The following TRIO variants were observed in gnomAD, a reference collection of about 807,000 sequenced individuals.
TRIO encodes the protein trio Rho guanine nucleotide exchange factor, also known as triple functional domain protein.
Under a neutral mutation model 351.9 loss-of-function variants are expected in TRIO, and 58 were observed. The ratio of observed to expected loss-of-function variants is 0.16; its 90% CI spans 0.13 to 0.21. The LOEUF is 0.21. TRIO is among the 10% of genes least tolerant of loss of function. The probability of loss-of-function intolerance (pLI) is 1.00; values close to 1 mark genes in which losing one functional copy is unlikely to be tolerated. For missense variants in TRIO, 3,201 were observed against 4,027.8 expected, an observed-to-expected ratio of 0.79 and a Z score of 5.56; for synonymous variants, 1,758 against 1,595.7, an observed-to-expected ratio of 1.10 and a Z score of -2.42.
chr5:14,296,542 G>C (rs2152289471), intron 6 of TRIO, among the ~76,000 whole-genome samples: 1 of 152,314 alleles, frequency 6.6e-6, no homozygotes, highest in South Asian at 2.1e-4. Context: ...CCTGGGAGAA[G>C]GTGGATCTAT....
At chr5:14,309,310 A>G (rs1738701090) in intron 8 of TRIO, among the ~76,000 whole-genome samples, 1 of 151,952 alleles carries the variant, frequency 6.6e-6, no homozygotes, top group Non-Finnish European at 1.5e-5. Context: ...CACTTGGTGT[A>G]TTTGCTCCAT....
intron 33 of TRIO, among the ~76,000 whole-genome samples, chr5:14,412,385 A>G (rs1749280276): frequency 6.6e-6 from 1 of 152,240 alleles, no homozygotes; most frequent in Non-Finnish European, 1.5e-5. Context: ...CATAAATTGC[A>G]GCGTCGAGGT....
intron 11 of TRIO, among the ~76,000 whole-genome samples, chr5:14,356,280 A>C (rs1007714888): frequency 1.3e-5 from 2 of 152,240 alleles, no homozygotes; most frequent in Non-Finnish European, 2.9e-5. Context: ...AATGGAAGTC[A>C]GTTTCCCTAT....
At chr5:14,154,903 C>G (rs1240146601) in intron 1 of TRIO, among the ~76,000 whole-genome samples, 1 of 152,146 alleles carries the variant, frequency 6.6e-6, no homozygotes, top group Non-Finnish European at 1.5e-5. Context: ...TTATGTAATT[C>G]TTTCCGTTTG....
At chr5:14,488,362 T>G (rs1196933791) in intron 48 of TRIO, 102 bp downstream of exon 48, 2 of 1,457,220 alleles carry the variant, frequency 1.4e-6, no homozygotes, top group East Asian at 2.5e-5. Context: ...TGCCCAGCGC[T>G]CTCCGCCGCC....
intron 34 of TRIO, among the ~76,000 whole-genome samples, chr5:14,455,069 C>G (rs560649321): frequency 3.3e-5 from 5 of 152,062 alleles, no homozygotes; most frequent in African/African-American, 1.2e-4. Context: ...TGCAGACCTT[C>G]GCGGTGAGTG....
intron 9 of TRIO, among the ~76,000 whole-genome samples, chr5:14,319,044 A>C (rs1739635615): frequency 6.6e-6 from 1 of 152,238 alleles, no homozygotes; most frequent in Non-Finnish European, 1.5e-5. Context: ...ATTTGGTGCC[A>C]AATACTTAAT....
chr5:14,336,592 T>TG lies in TRIO; in HGVS notation c.1915dup (p.Glu639GlyfsTer3), dbSNP rs1444776424. The TG allele has an allele frequency of 6.2e-7, 1 of 1,614,212 alleles. No individual in the cohort carries two copies. Among genetic ancestry groups the TG allele is most frequent in the Admixed American group, 1.7e-5 (1 of 60,024 alleles). ...AAGCAGCAGAACAGCTGGCTCAGAC[T>TG]GGGGAATGTGACCCCGAAGAGATTT... On this transcript the variant is annotated frameshift_variant, in exon 11 of 57. Transcript: ENST00000344204. LOFTEE classifies it high-confidence loss of function.
intron 1 of TRIO, among the ~76,000 whole-genome samples, chr5:14,230,439 AC>A (rs1194747759): frequency 6.6e-6 from 1 of 151,740 alleles, no homozygotes; most frequent in Non-Finnish European, 1.5e-5. Context: ...AACTGCAGAT[AC>A]CCCCACAGAT....
chr5:14,469,223 G>A (rs377497829), intron 37 of TRIO, among the ~76,000 whole-genome samples: 68 of 152,184 alleles, frequency 4.5e-4, no homozygotes, highest in African/African-American at 1.4e-3. Flanking sequence ...GCTGGAAAAC[G>A]GTAGCATAAT....
Position 14,498,971 on chromosome 5 carries a change from G to T in TRIO, c.8332+331G>T, listed in dbSNP as rs1440761965. 3.7e-5 allele frequency: 10 copies of T among 271,146 alleles called. No individual in the cohort carries two copies. In the South Asian group the frequency reaches 5.4e-4, roughly 15 times the overall value. The allele number at this position is 271,146 out of a possible 1,614,324, so 16.8% of individuals were successfully genotyped here. On this transcript the variant is annotated intron_variant, in intron 53 of 56. Transcript: ENST00000344204. ...CGACCAGCTTCTGAGTTGGAGCAGGGTGCTTTCCGTGCTCCTAGTACTCAA... is the reference window on the plus strand; with the variant it reads ...CGACCAGCTTCTGAGTTGGAGCAGGTTGCTTTCCGTGCTCCTAGTACTCAA...
intron 43 of TRIO, among the ~76,000 whole-genome samples, chr5:14,480,587 G>A (rs762615969): frequency 2.0e-5 from 3 of 152,162 alleles, no homozygotes; most frequent in South Asian, 2.1e-4. Context: ...GCAGAGTCAC[G>A]TGTTTTTCTG....
intron 1 of TRIO, among the ~76,000 whole-genome samples, chr5:14,258,228 A>G (rs1795137462): frequency 6.6e-6 from 1 of 152,144 alleles, no homozygotes; most frequent in Non-Finnish European, 1.5e-5. Context: ...TCCACACCTC[A>G]TCCCCATGTG....
At position 14,488,116 on chromosome 5, in the gene TRIO, A is replaced by T. The variant is rs1427837556; in HGVS notation, c.7488A>T (p.Arg2496=). ...CCATCCCCGCCTCCCCCGCCAGCCG[A>T]CCCGGCTCCTTCACCTTCCCGGGGG... The part of the protein sequence containing the change: ...WSSIPASPAS[R]PGSFTFPGDS... Residue 2496 remains arginine (R), a synonymous_variant, in exon 48 of 57, where the codon CGA becomes CGT. Transcript: ENST00000344204. The T allele has an allele frequency of 1.2e-6, 2 of 1,608,826 alleles. No individual in the cohort carries two copies. The highest frequency in any genetic ancestry group is 3.3e-5 in the Admixed American group (2 of 59,876).
intron 1 of TRIO, among the ~76,000 whole-genome samples, chr5:14,198,653 ACT>A (rs1160966): frequency 0.058 from 8,840 of 152,000 alleles, 336 homozygotes; most frequent in African/African-American, 0.1. Context: ...TTTGCATTAG[ACT>A]CTGACTGGGC....
At chr5:14,404,900 C>T (rs554296699) in intron 31 of TRIO, among the ~76,000 whole-genome samples, 40 of 152,270 alleles carry the variant, frequency 2.6e-4, no homozygotes, top group African/African-American at 9.6e-4. Flanking sequence ...ACAGGATACA[C>T]AGTGAGAAAT....
At chr5:14,395,223 C>T (rs1747457554) in intron 28 of TRIO, among the ~76,000 whole-genome samples, 1 of 152,156 alleles carries the variant, frequency 6.6e-6, no homozygotes, top group South Asian at 2.1e-4. Flanking sequence ...GAAAAGCTCT[C>T]CTGTACTTTT....
At chr5:14,243,743 A>AT (rs1794268343) in intron 1 of TRIO, among the ~76,000 whole-genome samples, 1 of 152,106 alleles carries the variant, frequency 6.6e-6, no homozygotes, top group South Asian at 2.1e-4. Context: ...CTGTGTTAGC[A>AT]TTTTTTCTTT....
chr5:14,487,672 C>A lies in TRIO; in HGVS notation c.7044C>A (p.His2348Gln). ...PSRIPQPVRHHPPVLVSSAAS... is the reference protein window; with the variant it reads ...PSRIPQPVRHQPPVLVSSAAS... ...GGATCCCCCAGCCTGTCCGACACCA[C>A]CCCCCCGTGCTGGTCTCCTCTGCAG... Residue 2348 changes from histidine to glutamine, a missense_variant, in exon 48 of 57, where the codon CAC becomes CAA. His to Gln is a conservative substitution (Grantham distance 24). Around this residue, in one of 19 missense-constraint regions of TRIO, gnomAD observed 1,089 missense variants for 954.9 expected, o/e 1.14. Coordinates refer to ENST00000344204, the MANE Select transcript of TRIO (RefSeq NM_007118.4). 1.5e-6 allele frequency: 2 copies of A among 1,376,728 alleles called. No individual in the cohort carries two copies. Among genetic ancestry groups the A allele is most frequent in the Non-Finnish European group, 9.5e-7 (1 of 1,052,482 alleles). The allele number at this position is 1,376,728 out of a possible 1,614,324, so 85.3% of individuals were successfully genotyped here.
Sources: allele counts gnomAD v4.1 joint callset (sites outside exome capture counted in the v4.1 genomes callset), GRCh38; gene constraint gnomAD v4.1.1; regional missense constraint gnomAD v4.1.1; transcripts MANE v1.5; gene names NCBI Gene and HGNC (gene_info 2026-07-23, HGNC 2026-07-21).